TCOF1: variants seen among roughly 807,000 people sequenced by gnomAD.
TCOF1 encodes treacle protein.
A neutral mutation model predicts 149.0 loss-of-function variants in TCOF1; 33 were observed. That is an observed-to-expected ratio of 0.22 (90% CI 0.17 to 0.30). The LOEUF (loss-of-function observed/expected upper bound fraction) is 0.30, where lower values mean the gene tolerates loss of function less well. Ranked by LOEUF, TCOF1 falls within the 10% of genes least tolerant of loss-of-function variation. TCOF1 has a pLI of 1.00. For missense variants in TCOF1, 1,728 were observed against 1,840.7 expected (o/e 0.94, Z 1.12); for synonymous variants, 789 against 738.8 (o/e 1.07, Z -1.10).
intron 1 of TCOF1, among the ~76,000 whole-genome samples, chr5:150,359,795 T>C (rs1211013445): frequency 6.6e-6 from 1 of 152,158 alleles, no homozygotes; most frequent in Admixed American, 6.5e-5. Context: ...GTTTAATAAG[T>C]TAATGATATA....
intron 23 of TCOF1, among the ~76,000 whole-genome samples, chr5:150,395,821 C>T (rs1426844016): frequency 1.3e-5 from 2 of 152,154 alleles, no homozygotes; most frequent in African/African-American, 4.8e-5. Context: ...TCATCCACCC[C>T]TCACGTTATA....
At chr5:150,360,775 T>A (rs941944662) in intron 1 of TCOF1, among the ~76,000 whole-genome samples, 1 of 150,976 alleles carries the variant, frequency 6.6e-6, no homozygotes, top group Non-Finnish European at 1.5e-5. Context: ...CTTGCTCTGT[T>A]GCCCAGGCTG....
chr5:150,392,070 C>T lies in TCOF1; in HGVS notation c.3411C>T (p.Thr1137=). ...AGCTTCCTGAGGTCCAGCAGGCCAC[C>T]AAAGCCCCTGAGAGCTCAGATGACA... is the stretch of plus-strand genomic sequence containing the variant. ...KPKLPEVQQA[T]KAPESSDDSE... The change falls in exon 21 of 27, where the codon ACC becomes ACT. Residue 1137 remains threonine, a synonymous_variant. Transcript: ENST00000643257. 6.2e-7 allele frequency: 1 copy of T among 1,614,246 alleles called. No homozygotes were observed. Among genetic ancestry groups the T allele is most frequent in the East Asian group, 2.2e-5 (1 of 44,890 alleles).
chr5:150,373,790 G>A (rs757882638), intron 7 of TCOF1, among the ~76,000 whole-genome samples: 16 of 152,176 alleles, frequency 1.1e-4, no homozygotes, highest in African/African-American at 1.7e-4. Context: ...TGATGCTCCC[G>A]ATAAGCCAGT....
At position 150,398,426 on chromosome 5, in the gene TCOF1, C is replaced by T. The variant is rs148367422; in HGVS notation, c.4418C>T (p.Pro1473Leu). The T allele has an allele frequency of 8.3e-5, 134 of 1,614,064 alleles. No homozygotes were observed. In the African/African-American group the frequency reaches 9.9e-4, roughly 12 times the overall value. Residue 1473 changes from proline to leucine, a missense_variant, in exon 25 of 27, where the codon CCG (proline) becomes CTG (leucine). This residue lies in a region of TCOF1 where 1,696 missense variants were observed against 1,765.4 expected (regional missense o/e 0.96). Transcript: ENST00000643257. ...GCCTCAACCAAAGATTCTGAGTCAC[C>T]GTCCCAGAAGAAAAAGAAGAAAAAG... ...KKASTKDSES[P>L]SQKKKKKKKK...
Position 150,372,071 on chromosome 5 carries a change from A to G in TCOF1, c.705A>G (p.Ala235=), listed in dbSNP as rs1377630703. The G allele has an allele frequency of 1.2e-5, 19 of 1,614,246 alleles. No individual in the cohort carries two copies. The highest frequency in any genetic ancestry group is 1.6e-5 in the Non-Finnish European group (19 of 1,180,046). The part of the protein sequence containing the change: ...ASSVSTKESP[A]RKAAPAPGKV... Reference sequence around the variant, plus strand: ...CAGTTTCTACTAAGGAGTCTCCAGCAAGAAAGGCGGCCCCAGCCCCTGGGA... The same window carrying G: ...CAGTTTCTACTAAGGAGTCTCCAGCGAGAAAGGCGGCCCCAGCCCCTGGGA... Residue 235 remains alanine (A), a synonymous_variant, in exon 7 of 27, where the codon GCA becomes GCG. Transcript: ENST00000643257.
intron 2 of TCOF1, among the ~76,000 whole-genome samples, chr5:150,362,854 C>G (rs552445003): frequency 6.6e-5 from 10 of 152,198 alleles, no homozygotes; most frequent in Non-Finnish European, 1.5e-4. Flanking sequence ...ACACTCTTCC[C>G]TGCCACTGGC....
Position 150,367,808 on chromosome 5 carries a change from C to A in TCOF1, c.305-36C>A, listed in dbSNP as rs139669820. 1,833 of 1,612,316 alleles carry A rather than the reference C, an allele frequency of 1.1e-3. 33 individuals carry two copies. In the Admixed American group the frequency reaches 0.028, roughly 25 times the overall value. ...TTGCCATTCATAGATGAGAAAAGCTCATCTGGCTCCTTTAGCAGATGTTTG... is the reference window on the plus strand; with the variant it reads ...TTGCCATTCATAGATGAGAAAAGCTAATCTGGCTCCTTTAGCAGATGTTTG... On this transcript the variant is annotated intron_variant, in intron 3 of 26. Transcript: ENST00000643257.
At chr5:150,374,472 GCC>G in intron 8 of TCOF1, 86 bp downstream of exon 8, 1 of 1,549,402 alleles carries the variant, frequency 6.5e-7, no homozygotes. Flanking sequence ...CTGGGCCAGA[GCC>G]CCGGGCGTGC....
intron 5 of TCOF1, among the ~76,000 whole-genome samples, chr5:150,369,293 T>C (rs542387626): frequency 1.3e-5 from 2 of 152,282 alleles, no homozygotes; most frequent in African/African-American, 4.8e-5. Context: ...TGCTGGTGCA[T>C]ATTTGTTGGG....
chr5:150,368,184 G>A, intron 4 of TCOF1: 1 of 479,142 alleles, frequency 2.1e-6, no homozygotes, highest in Non-Finnish European at 3.8e-6. Context: ...CCTCTTTCAT[G>A]CCTGCGTTCA....
chr5:150,376,658 C>T, intron 14 of TCOF1, 38 bp downstream of exon 14: 1 of 1,546,810 alleles, frequency 6.5e-7, no homozygotes, highest in Non-Finnish European at 8.7e-7. Context: ...CCACCCACAC[C>T]TGTTCCTGAG....
At chr5:150,369,504 A>G in intron 5 of TCOF1, 25 bp from the exon 6 acceptor site, 1 of 1,613,826 alleles carries the variant, frequency 6.2e-7, no homozygotes, top group Non-Finnish European at 8.5e-7. Flanking sequence ...GGAGTCCCTC[A>G]GTCCCCTCCG....
In TCOF1 at chr5:150,393,456, C is replaced by T; in HGVS notation, c.3688C>T (p.Pro1230Ser). 1 of 1,614,186 alleles carries T rather than the reference C, an allele frequency of 6.2e-7. No individual in the cohort carries two copies. The highest frequency in any genetic ancestry group is 8.5e-7 in the Non-Finnish European group (1 of 1,180,044). The change falls in exon 23 of 27, where the codon CCC (proline) becomes TCC (serine). Residue 1230 changes from proline (P) to serine (S), a missense_variant. This residue lies in a region of TCOF1 where 1,696 missense variants were observed against 1,765.4 expected (regional missense o/e 0.96). Coordinates refer to ENST00000643257, the MANE Select transcript of TCOF1 (RefSeq NM_001371623.1). ...SKATPKLDSSPSVSSTLAAKD... is the reference protein window; with the variant it reads ...SKATPKLDSSSSVSSTLAAKD... ...AGCCACTCCCAAGCTAGACTCCAGCCCCTCAGTTTCCTCTACTCTGGCCGC... is the reference window on the plus strand; with the variant it reads ...AGCCACTCCCAAGCTAGACTCCAGCTCCTCAGTTTCCTCTACTCTGGCCGC...
intron 6 of TCOF1, among the ~76,000 whole-genome samples, chr5:150,371,295 C>T (rs991036771): frequency 6.6e-6 from 1 of 152,134 alleles, no homozygotes; most frequent in Non-Finnish European, 1.5e-5. Context: ...CTCACCCTTG[C>T]GCCCTAGATA....
intron 6 of TCOF1, 125 bp from the exon 7 acceptor site, chr5:150,371,881 G>A (rs975488010): frequency 8.2e-6 from 7 of 855,940 alleles, no homozygotes; most frequent in Admixed American, 4.2e-5. Flanking sequence ...AGCCGTCTCA[G>A]GGAGTTGCTT....
rs757179736 is a variant in TCOF1 at position 150,374,358 on chromosome 5, A to G, written c.1055A>G (p.Glu352Gly). 6.4e-7 allele frequency: 1 copy of G among 1,558,056 alleles called. No homozygotes were observed. The highest frequency in any genetic ancestry group is 8.7e-7 in the Non-Finnish European group (1 of 1,150,802). Residue 352 changes from glutamate (E) to glycine (G), a missense_variant, in exon 8 of 27, where the codon GAG (glutamate) becomes GGG (glycine). By Grantham distance (98) the Glu-to-Gly change is moderately conservative. Transcript: ENST00000643257. ...SSEESSDSEE[E>G]TPAAKALLQA... ...GAGGAGTCATCTGACAGTGAGGAGG[A>G]GACGCCAGCTGCCAAGGCCCTGCTT...
At chr5:150,369,673 T>A in intron 6 of TCOF1, 71 bp downstream of exon 6, 2 of 1,527,388 alleles carry the variant, frequency 1.3e-6, no homozygotes, top group South Asian at 2.3e-5. Flanking sequence ...GTCTGGGGCT[T>A]CAGACACCAG....
chr5:150,361,128 T>C lies in TCOF1; in HGVS notation c.109-28T>C, dbSNP rs144149485. 3.1e-4 allele frequency: 500 copies of C among 1,614,056 alleles called. No individual in the cohort carries two copies. The African/African-American group carries it at 5.6e-3, about 18-fold the overall frequency. On this transcript the variant is annotated intron_variant, in intron 1 of 26. Coordinates refer to ENST00000643257, the MANE Select transcript of TCOF1 (RefSeq NM_001371623.1). ...GGATCCTTACTGTGCTGGGGATTAATTGTGGCTTTCTCTTTACCTCTCTGC... is the reference window on the plus strand; with the variant it reads ...GGATCCTTACTGTGCTGGGGATTAACTGTGGCTTTCTCTTTACCTCTCTGC...
Sources: gnomAD v4.1 joint callset for allele counts (sites outside exome capture counted in the v4.1 genomes callset) on GRCh38, gnomAD v4.1.1 for gene constraint, gnomAD v4.1.1 regional missense constraint, MANE v1.5 for transcripts, NCBI Gene and HGNC (gene_info 2026-07-23, HGNC 2026-07-21) for gene names.